ARID4B: variants seen among roughly 807,000 people sequenced by gnomAD.
The protein encoded by ARID4B is AT-rich interaction domain 4B.
A neutral mutation model predicts 147.5 loss-of-function variants in ARID4B; 26 were observed. The observed-to-expected ratio is 0.18, with a 90% CI of 0.13 to 0.24. ARID4B has a LOEUF of 0.24. Among genes scored for constraint, ARID4B ranks in the 10% least tolerant of loss-of-function variants. The pLI is 1.00. For missense variants in ARID4B, 1,179 were observed against 1,511.5 expected (o/e 0.78, Z 3.65); for synonymous variants, 512 against 507.9 (o/e 1.01, Z -0.11).
At chr1:235,237,815 T>C (rs976140836) in intron 8 of ARID4B, among the ~76,000 whole-genome samples, 2 of 152,178 alleles carry the variant, frequency 1.3e-5, no homozygotes, top group Admixed American at 1.3e-4. Flanking sequence ...AGAATGAGAA[T>C]AAAGAGTTAG....
At chr1:235,255,799 C>G in intron 4 of ARID4B, 49 bp from the exon 5 acceptor site, 1 of 1,342,988 alleles carries the variant, frequency 7.4e-7, no homozygotes. Flanking sequence ...GGTAAATTAA[C>G]AAACCAAAAC....
chr1:235,276,262 T>G (rs1237294112), intron 2 of ARID4B, among the ~76,000 whole-genome samples: 3 of 151,750 alleles, frequency 2.0e-5, no homozygotes, highest in Non-Finnish European at 2.9e-5. Context: ...ATAACATTAG[T>G]AGCATTAGCA....
rs575948176 is a variant in ARID4B, at chr1:235,199,209, A to G, written c.1842-3094T>C. On this transcript the variant is annotated intron_variant, in intron 17 of 23. Coordinates refer to ENST00000264183, the MANE Select transcript of ARID4B (RefSeq NM_016374.6). ...AATCTAACAGCAAACATAATGTATA[A>G]TAATATTACATTATATTTATAGATC... Among the ~76,000 whole-genome samples, 4 of 152,262 alleles carry G rather than the reference A, an allele frequency of 2.6e-5. 1 individual carries two copies. The South Asian group carries it at 8.3e-4, about 31-fold the overall frequency.
chr1:235,170,464 C>A (rs1209887192), intron 23 of ARID4B, among the ~76,000 whole-genome samples: 1 of 152,070 alleles, frequency 6.6e-6, no homozygotes, highest in Non-Finnish European at 1.5e-5. Flanking sequence ...GGAGGCCGGG[C>A]ACGGTGGCTC....
chr1:235,177,614 T>C, intron 21 of ARID4B, 186 bp downstream of exon 21: 1 of 487,592 alleles, frequency 2.1e-6, no homozygotes, highest in Non-Finnish European at 3.6e-6. Flanking sequence ...TCCTAGTGCA[T>C]GTTTTTTTTT....
chr1:235,293,793 G>A (rs373066315), intron 2 of ARID4B, among the ~76,000 whole-genome samples: 11 of 151,968 alleles, frequency 7.2e-5, no homozygotes, highest in East Asian at 5.8e-4. Flanking sequence ...CTATTTCCAT[G>A]GTAACTAGGC....
At chr1:235,279,277 T>C (rs1671521597) in intron 2 of ARID4B, among the ~76,000 whole-genome samples, 1 of 152,008 alleles carries the variant, frequency 6.6e-6, no homozygotes, top group African/African-American at 2.4e-5. Context: ...ATATTTGTAA[T>C]AGATATGCTC....
At chr1:235,193,636 A>G (rs1041055636) in intron 19 of ARID4B, among the ~76,000 whole-genome samples, 3 of 152,238 alleles carry the variant, frequency 2.0e-5, no homozygotes, top group Non-Finnish European at 4.4e-5. Context: ...AAAAAATTTG[A>G]GGCCTCAATC....
At chr1:235,249,938 CAA>C (rs527488457) in intron 6 of ARID4B, among the ~76,000 whole-genome samples, 26 of 92,676 alleles carry the variant, frequency 2.8e-4, no homozygotes, top group Admixed American at 3.6e-4. Flanking sequence ...GACTCCATCT[CAA>C]AAAAAAAAAA....
intron 17 of ARID4B, among the ~76,000 whole-genome samples, chr1:235,204,148 C>T (rs961222277): frequency 6.6e-6 from 1 of 152,074 alleles, no homozygotes; most frequent in African/African-American, 2.4e-5. Flanking sequence ...ATGGTGAAAC[C>T]TCATCTCTCC....
At chr1:235,186,418 T>A (rs970997709) in intron 19 of ARID4B, among the ~76,000 whole-genome samples, 10 of 152,076 alleles carry the variant, frequency 6.6e-5, no homozygotes, top group African/African-American at 2.2e-4. Flanking sequence ...CTTATTTTTT[T>A]TTTTTTTTAA....
chr1:235,288,402 G>T (rs896714282), intron 2 of ARID4B, among the ~76,000 whole-genome samples: 1 of 151,840 alleles, frequency 6.6e-6, no homozygotes, highest in African/African-American at 2.4e-5. Flanking sequence ...GTTTTTTCCA[G>T]ACCTTCACTT....
chr1:235,249,720 T>TC (rs1669523406), intron 6 of ARID4B, among the ~76,000 whole-genome samples: 2 of 151,420 alleles, frequency 1.3e-5, no homozygotes, highest in African/African-American at 2.4e-5. Flanking sequence ...GGCGGGCGTA[T>TC]CACGAGGTCA....
At chr1:235,188,909 A>T (rs1021662127) in intron 19 of ARID4B, among the ~76,000 whole-genome samples, 22 of 152,296 alleles carry the variant, frequency 1.4e-4, no homozygotes, top group African/African-American at 5.3e-4. Context: ...AGGAAAAAAA[A>T]TTCTTAATAG....
Position 235,167,174 on chromosome 1 carries a change from G to A in ARID4B, c.*1351C>T, listed in dbSNP as rs1194604159. 4.9e-6 allele frequency: 1 copy of A among 202,590 alleles called. No homozygotes were observed. The allele number at this position is 202,590 out of a possible 1,614,324, so 12.5% of individuals were successfully genotyped here. A position where few individuals can be genotyped will look rare whatever the true frequency, so the allele number is the denominator to read the frequency against. On this transcript the variant is annotated 3_prime_UTR_variant, in exon 24 of 24. Coordinates refer to ENST00000264183, the MANE Select transcript of ARID4B (RefSeq NM_016374.6). ...AGTTGAATGTAAAGGATTCTGACAC[G>A]TTAGCATCTACAACAAAACGCATTG...
chr1:235,300,083 A>C (rs1025473761), intron 2 of ARID4B, among the ~76,000 whole-genome samples: 2 of 152,098 alleles, frequency 1.3e-5, no homozygotes, highest in Non-Finnish European at 2.9e-5. Context: ...TTGCTTTTTC[A>C]TTCTATCCAG....
intron 2 of ARID4B, among the ~76,000 whole-genome samples, chr1:235,307,759 A>G (rs911432663): frequency 1.8e-4 from 28 of 152,188 alleles, no homozygotes; most frequent in African/African-American, 6.8e-4. Context: ...CAGAGGATTC[A>G]TTTTTCTCCT....
At chr1:235,183,157 G>A (rs1038330287) in intron 19 of ARID4B, among the ~76,000 whole-genome samples, 45 of 150,608 alleles carry the variant, frequency 3.0e-4, no homozygotes, top group African/African-American at 1.0e-3. Context: ...TAATATATCT[G>A]AGAAAATAGT....
At chr1:235,239,711 G>A (rs939331668) in intron 8 of ARID4B, among the ~76,000 whole-genome samples, 4 of 152,092 alleles carry the variant, frequency 2.6e-5, no homozygotes, top group Non-Finnish European at 4.4e-5. Context: ...TAAATCTTGA[G>A]TACCTCCTCA....
Sources: allele counts gnomAD v4.1 joint callset (sites outside exome capture counted in the v4.1 genomes callset), GRCh38; gene constraint gnomAD v4.1.1; transcripts MANE v1.5; gene names NCBI Gene and HGNC (gene_info 2026-07-23, HGNC 2026-07-21).